Variants in EXOC2 observed in about 807,000 individuals in gnomAD.
EXOC2 encodes exocyst complex component 2, also known as SEC5-like 1.
EXOC2 carries 70 observed loss-of-function variants against 131.8 expected under a neutral mutation model. That is an observed-to-expected ratio of 0.53 (90% CI 0.44 to 0.65). EXOC2 has a LOEUF of 0.65. Ranked by LOEUF, EXOC2 falls within the 30% of genes least tolerant of loss-of-function variation. The pLI is 0.00. For synonymous variants in EXOC2, 411 were observed against 398.4 expected (o/e 1.03, Z -0.38); for missense variants, 923 against 1,108.6 (o/e 0.83, Z 2.38).
intron 11 of EXOC2, among the ~76,000 whole-genome samples, chr6:583,352 G>A (rs1244352209): frequency 6.6e-6 from 1 of 152,158 alleles, no homozygotes; most frequent in Non-Finnish European, 1.5e-5. Context: ...CAGATGCACA[G>A]TAAGCCAGGG....
intron 26 of EXOC2, among the ~76,000 whole-genome samples, chr6:489,790 T>G (rs1187356696): frequency 6.6e-6 from 1 of 152,234 alleles, no homozygotes; most frequent in African/African-American, 2.4e-5. Context: ...GGTCGTTGCT[T>G]TTATATTGTA....
chr6:531,600 T>C (rs2127539816), intron 23 of EXOC2, among the ~76,000 whole-genome samples: 1 of 152,368 alleles, frequency 6.6e-6, no homozygotes, highest in African/African-American at 2.4e-5. Context: ...GTTTAAACAG[T>C]AAACAATTTT....
At chr6:656,652 G>A (rs1384877284) in intron 1 of EXOC2, 2 of 1,607,302 alleles carry the variant, frequency 1.2e-6, no homozygotes, top group Non-Finnish European at 1.7e-6. Context: ...CTTCAGGGAG[G>A]ACGCGCCCGC....
chr6:564,899 A>T lies in EXOC2; in HGVS notation c.1474T>A (p.Ser492Thr), dbSNP rs1757895097. 6.2e-7 allele frequency: 1 copy of T among 1,612,766 alleles called. No individual in the cohort carries two copies. The highest frequency in any genetic ancestry group is 1.7e-5 in the Admixed American group (1 of 59,828). Residue 492 changes from serine to threonine, a missense_variant, in exon 14 of 28, where the codon TCA becomes ACA. Transcript: ENST00000230449. ...TTTTGTCTTTGCCTTACATTCTTTG[A>T]TCTTTCAATCTGGCCTGACTTCTCA... ...TAEKSGQIER[S>T]KNVRQRQNDF...
chr6:642,953 A>G (rs1762421941), intron 1 of EXOC2, among the ~76,000 whole-genome samples: 2 of 152,206 alleles, frequency 1.3e-5, no homozygotes, highest in Non-Finnish European at 2.9e-5. Flanking sequence ...ATTGCAAACA[A>G]ATCTGTATGA....
intron 9 of EXOC2, 86 bp from the exon 10 acceptor site, chr6:598,209 T>C: frequency 9.3e-7 from 1 of 1,072,796 alleles, no homozygotes; most frequent in Non-Finnish European, 1.4e-6. Flanking sequence ...GTTGCTTTTG[T>C]GGGGTGAGGG....
intron 1 of EXOC2, among the ~76,000 whole-genome samples, chr6:664,287 G>T (rs1763542489): frequency 1.3e-5 from 2 of 152,132 alleles, no homozygotes; most frequent in Admixed American, 6.5e-5. Flanking sequence ...CCTGCTGAAA[G>T]AAATTGTAGA....
intron 17 of EXOC2, among the ~76,000 whole-genome samples, chr6:557,814 C>T (rs148467922): frequency 3.3e-5 from 5 of 152,142 alleles, no homozygotes; most frequent in Non-Finnish European, 7.4e-5. Flanking sequence ...ACAGTGTACC[C>T]ACCCCGCAGA....
chr6:551,692 C>T (rs1757152681), intron 21 of EXOC2, among the ~76,000 whole-genome samples: 1 of 152,186 alleles, frequency 6.6e-6, no homozygotes, highest in Non-Finnish European at 1.5e-5. Context: ...TCGGGAGGCC[C>T]TCTCCTGCAG....
intron 1 of EXOC2, among the ~76,000 whole-genome samples, chr6:651,913 G>C (rs542113208): frequency 2.0e-5 from 3 of 151,682 alleles, no homozygotes; most frequent in Admixed American, 6.6e-5. Context: ...AAAACTAGCC[G>C]GGTGCGGTGG....
At position 555,280 on chromosome 6, in the gene EXOC2, T is replaced by C. The variant is rs769808547; in HGVS notation, c.2001A>G (p.Ile667Met). 4 of 1,521,854 alleles carry C rather than the reference T, an allele frequency of 2.6e-6. No individual in the cohort carries two copies. Among genetic ancestry groups the C allele is most frequent in the Non-Finnish European group, 2.7e-6 (3 of 1,120,548 alleles). 94.3% of individuals were successfully genotyped at this position (1,521,854 alleles called of 1,614,324 possible). A position where few individuals can be genotyped will look rare whatever the true frequency, so the allele number is the denominator to read the frequency against. ...TGGTGCTCAACTGTTCCAGACAGTA[T>C]ATAAAAACCTAAGTGAAAACATAAG... ...QLSINIMQVF[I>M]YCLEQLSTKP... The change falls in exon 20 of 28, where the codon ATA (isoleucine) becomes ATG (methionine). Residue 667 changes from isoleucine (I) to methionine (M), a missense_variant. Coordinates refer to ENST00000230449, the MANE Select transcript of EXOC2 (RefSeq NM_018303.6).
rs1561785492 is a variant in EXOC2, at chr6:501,157, CTATATATAT to C, written c.2381-1466_2381-1458del. 2.8e-3 allele frequency among the ~76,000 whole-genome samples: 86 copies of C among 30,988 alleles called. 7 individuals carry two copies. Among genetic ancestry groups the C allele is most frequent in the South Asian group, 4.1e-3 (4 of 980 alleles). 20.3% of individuals were successfully genotyped at this position (30,988 alleles called of 152,430 possible). On this transcript the variant is annotated intron_variant, in intron 23 of 27. Coordinates refer to ENST00000230449, the MANE Select transcript of EXOC2 (RefSeq NM_018303.6). ...ATATATCTATATATATTATATATAT[CTATATATAT>C]TATATATATCTATATATTATATATA...
intron 1 of EXOC2, among the ~76,000 whole-genome samples, chr6:682,262 G>T (rs1764440740): frequency 6.7e-6 from 1 of 149,902 alleles, no homozygotes; most frequent in South Asian, 2.1e-4. Context: ...TGCAGTGGCA[G>T]GATCTGGGGT....
chr6:591,818 C>T (rs986710376), intron 11 of EXOC2, among the ~76,000 whole-genome samples: 3 of 152,098 alleles, frequency 2.0e-5, no homozygotes, highest in South Asian at 4.2e-4. Context: ...TACACCTGCA[C>T]ACAAATAGAC....
intron 4 of EXOC2, among the ~76,000 whole-genome samples, chr6:623,287 C>T (rs906681684): frequency 4.6e-5 from 7 of 152,234 alleles, no homozygotes; most frequent in Admixed American, 1.3e-4. Context: ...CACCCCTACC[C>T]GGATGCGTCG....
At chr6:622,917 C>G (rs915339330) in intron 4 of EXOC2, among the ~76,000 whole-genome samples, 1 of 152,212 alleles carries the variant, frequency 6.6e-6, no homozygotes, top group Non-Finnish European at 1.5e-5. Flanking sequence ...CTAAACTGCT[C>G]TCAGTTATAT....
chr6:547,340 G>A (rs773466182), intron 22 of EXOC2, among the ~76,000 whole-genome samples: 19 of 152,176 alleles, frequency 1.2e-4, no homozygotes, highest in Admixed American at 2.6e-4. Flanking sequence ...AAATATCCCC[G>A]GAGGAAACAC....
intron 23 of EXOC2, among the ~76,000 whole-genome samples, chr6:521,063 G>T (rs2493026): frequency 0.5 from 6,257 of 12,554 alleles, 1,191 homozygotes; most frequent in Non-Finnish European, 0.56. Flanking sequence ...CACTCGGAGA[G>T]GAAAACCACC....
At chr6:589,122 C>G (rs1219594910) in intron 11 of EXOC2, among the ~76,000 whole-genome samples, 7 of 152,216 alleles carry the variant, frequency 4.6e-5, no homozygotes, top group Admixed American at 2.0e-4. Flanking sequence ...TAGGAAAATC[C>G]TTGGTCAGAC....
Sources: gnomAD v4.1 joint callset for allele counts (sites outside exome capture counted in the v4.1 genomes callset) on GRCh38, gnomAD v4.1.1 for gene constraint, MANE v1.5 for transcripts, NCBI Gene and HGNC (gene_info 2026-07-23, HGNC 2026-07-21) for gene names.